CFAP54: variants seen among roughly 807,000 people sequenced by gnomAD.
CFAP54 encodes cilia and flagella associated protein 54, also known as cilia- and flagella-associated protein 54.
Under a neutral mutation model 370.4 loss-of-function variants are expected in CFAP54, and 290 were observed. The observed-to-expected ratio is 0.78, with a 90% confidence interval of 0.71 to 0.86. The LOEUF is 0.86. CFAP54 is among the 40% of genes least tolerant of loss of function. The probability of loss-of-function intolerance (pLI) is 0.00; values close to 1 mark genes in which losing one functional copy is unlikely to be tolerated. For synonymous variants in CFAP54, 1,206 were observed against 1,236.5 expected, an observed-to-expected ratio of 0.98 and a Z score of 0.52; for missense variants, 3,399 against 3,528.7, an observed-to-expected ratio of 0.96 and a Z score of 0.93.
intron 39 of CFAP54, among the ~76,000 whole-genome samples, chr12:96,673,224 A>T (rs1957168855): frequency 6.6e-6 from 1 of 152,218 alleles, no homozygotes. Context: ...CACATGAGAA[A>T]ATTAAACATT....
chr12:96,601,233 G>T (rs1956238510), intron 26 of CFAP54, among the ~76,000 whole-genome samples: 2 of 152,100 alleles, frequency 1.3e-5, no homozygotes, highest in Admixed American at 1.3e-4. Context: ...TTTTGTCCTT[G>T]GTTCTGTTTA....
At chr12:96,816,644 T>G (rs1958977192) in intron 64 of CFAP54, among the ~76,000 whole-genome samples, 1 of 152,210 alleles carries the variant, frequency 6.6e-6, no homozygotes, top group African/African-American at 2.4e-5. Flanking sequence ...GTCAGTTTGT[T>G]TTTGGGATCA....
intron 36 of CFAP54, 109 bp downstream of exon 36, chr12:96,651,924 CTACAT>C: frequency 1.4e-6 from 1 of 708,874 alleles, no homozygotes; most frequent in Non-Finnish European, 2.3e-6. Context: ...TTTGGTTTGT[CTACAT>C]TTCATTTGCT....
chr12:96,751,221 A>G (rs1015550864), intron 55 of CFAP54, among the ~76,000 whole-genome samples: 1 of 152,228 alleles, frequency 6.6e-6, no homozygotes, highest in Non-Finnish European at 1.5e-5. Context: ...TTATTCAATC[A>G]GCAAACATTC....
chr12:96,630,234 G>A lies in CFAP54; in HGVS notation c.4215+30G>A, dbSNP rs556635476. 220 of 1,180,302 alleles carry A rather than the reference G, an allele frequency of 1.9e-4. 2 individuals carry two copies. In the East Asian group the frequency reaches 4.8e-3, roughly 26 times the overall value. 73.1% of individuals were successfully genotyped at this position (1,180,302 alleles called of 1,614,324 possible). On this transcript the variant is annotated intron_variant, in intron 31 of 67. Transcript: ENST00000524981. The stretch of plus-strand genomic sequence containing the variant: ...GTTTCCTATGAGTTTTGAATTTTAG[G>A]TAATGAAATTAAGAGATTCATGTAT...
At chr12:96,558,299 A>G (rs1255301958) in intron 17 of CFAP54, among the ~76,000 whole-genome samples, 1 of 152,208 alleles carries the variant, frequency 6.6e-6, no homozygotes, top group African/African-American at 2.4e-5. Flanking sequence ...TAGCTAGAGC[A>G]ATCAGACAAG....
chr12:96,552,246 CAAAAAAAAAAAA>C (rs374756712), intron 15 of CFAP54, among the ~76,000 whole-genome samples: 2 of 40,986 alleles, frequency 4.9e-5, no homozygotes, highest in Non-Finnish European at 1.1e-4. Context: ...AACTACATCT[CAAAAAAAAAAAA>C]AAAAAAAAGA....
rs756668217 is a variant in CFAP54 at position 96,592,505 on chromosome 12, T to G, written c.3228T>G (p.Ile1076Met). 3.0e-5 allele frequency: 20 copies of G among 673,442 alleles called. No individual in the cohort carries two copies. Among genetic ancestry groups the G allele is most frequent in the Non-Finnish European group, 4.7e-5 (20 of 421,322 alleles). 41.7% of individuals were successfully genotyped at this position (673,442 alleles called of 1,614,324 possible). A position where few individuals can be genotyped will look rare whatever the true frequency, so the allele number is the denominator to read the frequency against. The change falls in exon 24 of 68, where the codon ATT becomes ATG. Residue 1076 changes from isoleucine to methionine, a missense_variant. Physicochemically the swap from Ile to Met is conservative, Grantham distance 10. Around this residue, in one of 3 missense-constraint regions of CFAP54, gnomAD observed 2,796 missense variants for 2,869.7 expected, o/e 0.97. Coordinates refer to ENST00000524981, the MANE Select transcript of CFAP54 (RefSeq NM_001306084.2). Reference sequence around the variant, plus strand: ...CATATTGCAGATTACATTCAGATATTTTGGCAGAGACTTCTTCAATCCTCT... The same window carrying G: ...CATATTGCAGATTACATTCAGATATGTTGGCAGAGACTTCTTCAATCCTCT... ...TITQRRLHSD[I>M]LAETSSILLY...
chr12:96,835,157 A>G (rs1168857529), intron 66 of CFAP54, among the ~76,000 whole-genome samples: 3 of 152,046 alleles, frequency 2.0e-5, no homozygotes, highest in Non-Finnish European at 4.4e-5. Context: ...TCCTCTTTGC[A>G]GCAGGTAGTC....
At chr12:96,564,813 T>TA (rs1486867320) in intron 19 of CFAP54, 48 bp downstream of exon 19, 1 of 546,018 alleles carries the variant, frequency 1.8e-6, no homozygotes, top group East Asian at 3.0e-5. Flanking sequence ...AAATTTCTGT[T>TA]AAAATGAATG....
At chr12:96,800,048 T>C (rs1409494267) in intron 63 of CFAP54, among the ~76,000 whole-genome samples, 1 of 152,172 alleles carries the variant, frequency 6.6e-6, no homozygotes, top group East Asian at 1.9e-4. Flanking sequence ...AAGGAATACA[T>C]AGTCGGGAAA....
At chr12:96,840,271 C>G (rs1438027998) in intron 66 of CFAP54, among the ~76,000 whole-genome samples, 1 of 152,202 alleles carries the variant, frequency 6.6e-6, no homozygotes, top group African/African-American at 2.4e-5. Flanking sequence ...CTCAAAGCAA[C>G]CTTTGAAATA....
chr12:96,861,522 C>G (rs569196457), intron 67 of CFAP54, among the ~76,000 whole-genome samples: 1 of 152,202 alleles, frequency 6.6e-6, no homozygotes, highest in African/African-American at 2.4e-5. Context: ...AAATCTGTAG[C>G]AAATGAGACC....
chr12:96,538,757 CTT>C (rs879863316), intron 13 of CFAP54: 232 of 347,948 alleles, frequency 6.7e-4, no homozygotes, highest in South Asian at 1.1e-3. Context: ...TGTTTCAGGC[CTT>C]TTTTTTTTTG....
chr12:96,689,159 AT>A (rs961008573), intron 43 of CFAP54, among the ~76,000 whole-genome samples, 177 bp downstream of exon 43: 27 of 148,064 alleles, frequency 1.8e-4, no homozygotes, highest in South Asian at 2.1e-4. Context: ...TTCACCTTTA[AT>A]TTTTTTTTTT....
rs1286200558 is a variant in CFAP54 at position 96,521,867 on chromosome 12, G to A, written c.953G>A (p.Arg318Gln). ...HAGIHGEAFA[R>Q]RALAKIDELR... ...TTTAATCACATGTAGGCATTTGCTCGGCGTGCTTTGGCTAAAATTGATGAG... is the reference window on the plus strand; with the variant it reads ...TTTAATCACATGTAGGCATTTGCTCAGCGTGCTTTGGCTAAAATTGATGAG... The change falls in exon 7 of 68, where the codon CGG (arginine) becomes CAG (glutamine). Residue 318 changes from arginine to glutamine, a missense_variant. By Grantham distance (43) the Arg-to-Gln change is conservative. Coordinates refer to ENST00000524981, the MANE Select transcript of CFAP54 (RefSeq NM_001306084.2). 31 of 1,524,750 alleles carry A rather than the reference G, an allele frequency of 2.0e-5. No individual in the cohort carries two copies. The highest frequency in any genetic ancestry group is 2.4e-5 in the Non-Finnish European group (27 of 1,138,096). 94.5% of individuals were successfully genotyped at this position (1,524,750 alleles called of 1,614,324 possible).
chr12:96,639,719 A>G (rs1477234639), intron 32 of CFAP54, among the ~76,000 whole-genome samples: 3 of 152,188 alleles, frequency 2.0e-5, no homozygotes, highest in Non-Finnish European at 4.4e-5. Context: ...CACATCAAAA[A>G]GCTTATCCAC....
At chr12:96,806,200 ATATATATAT>A (rs1958878195) in intron 63 of CFAP54, among the ~76,000 whole-genome samples, 1 of 85,160 alleles carries the variant, frequency 1.2e-5, no homozygotes, top group Admixed American at 1.1e-4. Flanking sequence ...ATATATATAT[ATATATATAT>A]ATATAATAAC....
chr12:96,842,050 G>A (rs552090776), intron 66 of CFAP54, among the ~76,000 whole-genome samples: 2 of 152,068 alleles, frequency 1.3e-5, no homozygotes, highest in South Asian at 4.2e-4. Context: ...TGAATCATTT[G>A]TTCATTTGAC....
Sources: gnomAD v4.1 joint callset for allele counts (sites outside exome capture counted in the v4.1 genomes callset) on GRCh38, gnomAD v4.1.1 for gene constraint, gnomAD v4.1.1 regional missense constraint, MANE v1.5 for transcripts, NCBI Gene and HGNC (gene_info 2026-07-23, HGNC 2026-07-21) for gene names.